The following CUL1 variants were observed in gnomAD, a reference collection of about 807,000 sequenced individuals.
CUL1 encodes the protein cullin-1.
CUL1 carries 24 observed loss-of-function variants against 118.0 expected under a neutral mutation model. The observed-to-expected ratio is 0.20, with a 90% CI of 0.15 to 0.29. The LOEUF is 0.29. CUL1 is among the 10% of genes least tolerant of loss of function. The pLI is 1.00. For synonymous variants in CUL1, 332 were observed against 340.4 expected, an observed-to-expected ratio of 0.98 and a Z score of 0.27; for missense variants, 361 against 933.8, an observed-to-expected ratio of 0.39 and a Z score of 7.99.
At chr7:148,699,577 G>A (rs941757500) in intron 1 of CUL1, among the ~76,000 whole-genome samples, 1 of 152,200 alleles carries the variant, frequency 6.6e-6, no homozygotes, top group Admixed American at 6.5e-5. Flanking sequence ...CCGCGGAGCC[G>A]GGCTCTCTCG....
intron 9 of CUL1, among the ~76,000 whole-genome samples, chr7:148,773,638 C>T (rs769126202): frequency 3.3e-5 from 5 of 152,172 alleles, no homozygotes; most frequent in African/African-American, 4.8e-5. Context: ...CTCGGCTGCA[C>T]GACTCTTGAC....
intron 2 of CUL1, among the ~76,000 whole-genome samples, chr7:148,753,222 T>A (rs1460035647): frequency 1.3e-5 from 2 of 152,262 alleles, no homozygotes; most frequent in Non-Finnish European, 2.9e-5. Context: ...TTTGTTCTGT[T>A]TTGTTGATCT....
chr7:148,782,942 G>T (rs963631016), intron 9 of CUL1, among the ~76,000 whole-genome samples: 3 of 151,712 alleles, frequency 2.0e-5, no homozygotes, highest in Non-Finnish European at 2.9e-5. Flanking sequence ...CCAAGCCTGT[G>T]CCTGCCACCA....
intron 1 of CUL1, among the ~76,000 whole-genome samples, chr7:148,705,170 C>G (rs1265827027): frequency 6.6e-6 from 1 of 152,076 alleles, no homozygotes; most frequent in Non-Finnish European, 1.5e-5. Flanking sequence ...TCTCATGAAA[C>G]TGATTGATGT....
chr7:148,748,388 T>G (rs1799370243), intron 2 of CUL1, among the ~76,000 whole-genome samples: 1 of 152,120 alleles, frequency 6.6e-6, no homozygotes, highest in African/African-American at 2.4e-5. Context: ...AAAGGTATAA[T>G]AATGTCAGAT....
At chr7:148,771,138 A>G (rs1202391277) in intron 9 of CUL1, among the ~76,000 whole-genome samples, 2 of 152,216 alleles carry the variant, frequency 1.3e-5, no homozygotes, top group African/African-American at 4.8e-5. Context: ...TCTCTGGACT[A>G]GAACACTATA....
At position 148,754,043 on chromosome 7, in the gene CUL1, T is replaced by C. The variant is rs375794200; in HGVS notation, c.208T>C (p.Ser70Pro). The part of the protein sequence containing the change: ...NQARGAGVPP[S>P]KSKKGQTPGG... Reference sequence around the variant, plus strand: ...AGCACGAGGAGCTGGAGTTCCTCCTTCTAAGTCGAAAAAGGGGCAGACACC... The same window carrying C: ...AGCACGAGGAGCTGGAGTTCCTCCTCCTAAGTCGAAAAAGGGGCAGACACC... Residue 70 changes from serine (S) to proline (P), a missense_variant, in exon 3 of 22, where the codon TCT becomes CCT. Ser to Pro is a moderately conservative substitution (Grantham distance 74). Coordinates refer to ENST00000325222, the MANE Select transcript of CUL1 (RefSeq NM_003592.3). The C allele has an allele frequency of 1.7e-5, 28 of 1,613,856 alleles. No individual in the cohort carries two copies. Among genetic ancestry groups the C allele is most frequent in the South Asian group, 2.2e-5 (2 of 91,042 alleles).
chr7:148,789,426 C>T (rs377310163), intron 14 of CUL1, among the ~76,000 whole-genome samples: 9 of 151,892 alleles, frequency 5.9e-5, no homozygotes, highest in African/African-American at 1.7e-4. Flanking sequence ...CAAGCACAGG[C>T]GTGGCTTGAG....
At chr7:148,698,282 A>C (rs1797585456), upstream of CUL1, 2 of 151,378 alleles carry the variant, frequency 1.3e-5, no homozygotes, top group Non-Finnish European at 1.5e-5. Context: ...GTTCCAGGCA[A>C]GCTGGGGGTG....
intron 1 of CUL1, among the ~76,000 whole-genome samples, chr7:148,725,219 G>GCGCACGCGCACA: frequency 7.1e-6 from 1 of 140,058 alleles, no homozygotes; most frequent in African/African-American, 2.8e-5. Flanking sequence ...ACACGCGCGC[G>GCGCACGCGCACA]CTCACACACA....
chr7:148,756,105 A>G (rs1474745338), intron 3 of CUL1, among the ~76,000 whole-genome samples: 1 of 152,234 alleles, frequency 6.6e-6, no homozygotes, highest in Non-Finnish European at 1.5e-5. Flanking sequence ...GTCTCCTTCA[A>G]ATAAAAATTT....
chr7:148,757,013 C>T lies in CUL1; in HGVS notation c.346C>T (p.Leu116=), dbSNP rs1584794732. Residue 116 remains leucine (L), a synonymous_variant, in exon 4 of 22, where the codon CTG becomes TTG. Transcript: ENST00000325222. ...AGAAGATTTGATGGATGAGAGTGTA[C>T]TGAAATTCTACACTCAACAATGGGA... ...DGEDLMDESV[L]KFYTQQWEDY... 1 of 1,604,072 alleles carries T rather than the reference C, an allele frequency of 6.2e-7. No homozygotes were observed. The highest frequency in any genetic ancestry group is 2.2e-5 in the East Asian group (1 of 44,500).
chr7:148,790,237 G>C lies in CUL1; in HGVS notation c.1675-73G>C, dbSNP rs933436. 2.0e-6 allele frequency: 3 copies of C among 1,495,256 alleles called. No individual in the cohort carries two copies. The Admixed American group carries it at 5.0e-5, about 25-fold the overall frequency. 92.6% of individuals were successfully genotyped at this position (1,495,256 alleles called of 1,614,324 possible). On this transcript the variant is annotated intron_variant, in intron 15 of 21. Transcript: ENST00000325222. ...TTTGTACTGTAAGCTTGGAACAGTG[G>C]GCTTTACTTAGAAACGCTGCCTGTA... is the stretch of plus-strand genomic sequence containing the variant.
chr7:148,785,046 A>G (rs1343251408), intron 11 of CUL1, among the ~76,000 whole-genome samples: 2 of 152,216 alleles, frequency 1.3e-5, no homozygotes, highest in African/African-American at 4.8e-5. Flanking sequence ...CCATGTACCA[A>G]CTATGTGACC....
At chr7:148,752,296 T>C (rs1238336889) in intron 2 of CUL1, among the ~76,000 whole-genome samples, 2 of 152,180 alleles carry the variant, frequency 1.3e-5, no homozygotes, top group Non-Finnish European at 2.9e-5. Context: ...TTTTATTTTC[T>C]CAAAAGTTGA....
At chr7:148,752,552 T>TC (rs775258361) in intron 2 of CUL1, among the ~76,000 whole-genome samples, 3 of 151,386 alleles carry the variant, frequency 2.0e-5, no homozygotes, top group East Asian at 3.9e-4. Flanking sequence ...TATATTTTGT[T>TC]CATGTTTCCA....
At chr7:148,798,976 C>T (rs557032383) in intron 20 of CUL1, among the ~76,000 whole-genome samples, 69 of 152,024 alleles carry the variant, frequency 4.5e-4, no homozygotes, top group African/African-American at 1.6e-3. Flanking sequence ...GGGCAGCTTC[C>T]GTGGCCTTGA....
chr7:148,796,972 C>T (rs1274542745), intron 17 of CUL1, among the ~76,000 whole-genome samples: 1 of 152,134 alleles, frequency 6.6e-6, no homozygotes, highest in African/African-American at 2.4e-5. Flanking sequence ...ACTCCACTGC[C>T]CGTGGGTTGT....
intron 1 of CUL1, among the ~76,000 whole-genome samples, chr7:148,702,959 G>A (rs952461877): frequency 6.6e-6 from 1 of 152,182 alleles, no homozygotes; most frequent in Non-Finnish European, 1.5e-5. Context: ...GCCCTCTGAA[G>A]TGTGGGTACT....
Sources: gnomAD v4.1 joint callset for allele counts (sites outside exome capture counted in the v4.1 genomes callset) on GRCh38, gnomAD v4.1.1 for gene constraint, MANE v1.5 for transcripts, NCBI Gene and HGNC (gene_info 2026-07-23, HGNC 2026-07-21) for gene names.